The following MTHFD1L variants were observed in gnomAD, a reference collection of about 807,000 sequenced individuals.
MTHFD1L encodes monofunctional C1-tetrahydrofolate synthase, mitochondrial.
A neutral mutation model predicts 119.5 loss-of-function variants in MTHFD1L; 81 were observed. The observed-to-expected ratio is 0.68, with a 90% CI of 0.57 to 0.82. MTHFD1L has a LOEUF of 0.82. Ranked by LOEUF, MTHFD1L falls within the 40% of genes least tolerant of loss-of-function variation. MTHFD1L has a pLI of 0.00. For synonymous variants in MTHFD1L, 430 were observed against 475.2 expected (o/e 0.90, Z 1.24); for missense variants, 1,125 against 1,253.4 (o/e 0.90, Z 1.55).
chr6:150,963,584 G>A (rs568142027), intron 18 of MTHFD1L, among the ~76,000 whole-genome samples: 1 of 152,296 alleles, frequency 6.6e-6, no homozygotes, highest in Admixed American at 6.5e-5. Flanking sequence ...CCAATCACAT[G>A]AGAGAAACAT....
intron 20 of MTHFD1L, among the ~76,000 whole-genome samples, chr6:150,985,896 C>T (rs1778236172): frequency 1.3e-5 from 2 of 151,892 alleles, no homozygotes; most frequent in African/African-American, 2.4e-5. Flanking sequence ...TGAAAATTGT[C>T]GACAAACAAT....
chr6:151,009,776 T>C (rs371729452), intron 20 of MTHFD1L, 43 bp from the exon 21 acceptor site: 1 of 1,608,290 alleles, frequency 6.2e-7, no homozygotes, highest in Non-Finnish European at 8.5e-7. Context: ...CCTACCTTTG[T>C]TTTTAGAAGA....
chr6:151,082,853 G>A (rs1415547382), intron 26 of MTHFD1L, among the ~76,000 whole-genome samples: 1 of 152,210 alleles, frequency 6.6e-6, no homozygotes, highest in Admixed American at 6.5e-5. Flanking sequence ...GCTGAGCGAA[G>A]TAACTCACCC....
chr6:151,015,427 G>A lies in MTHFD1L; in HGVS notation c.2409-89G>A, dbSNP rs886888002. On this transcript the variant is annotated intron_variant, in intron 23 of 27. Coordinates refer to ENST00000367321, the MANE Select transcript of MTHFD1L (RefSeq NM_015440.5). Reference sequence around the variant, plus strand: ...TGTTTAAAATGTATTCAGTGTTAGGGAGCGAAGTTCTGTATAAATGGTGAG... The same window carrying A: ...TGTTTAAAATGTATTCAGTGTTAGGAAGCGAAGTTCTGTATAAATGGTGAG... 39 of 1,390,642 alleles carry A rather than the reference G, an allele frequency of 2.8e-5. No homozygotes were observed. In the Admixed American group the frequency reaches 4.5e-4, roughly 16 times the overall value. 86.1% of individuals were successfully genotyped at this position (1,390,642 alleles called of 1,614,324 possible).
intron 20 of MTHFD1L, among the ~76,000 whole-genome samples, chr6:150,981,077 C>T (rs1297962034): frequency 6.6e-6 from 1 of 152,010 alleles, no homozygotes; most frequent in African/African-American, 2.4e-5. Flanking sequence ...AAAAAAAATA[C>T]ATATGAATTC....
chr6:150,965,868 A>G (rs375502533), intron 19 of MTHFD1L, among the ~76,000 whole-genome samples: 1 of 152,330 alleles, frequency 6.6e-6, no homozygotes, highest in East Asian at 1.9e-4. Context: ...AGGCAAGTCA[A>G]TAAACACACA....
rs563600920 is a variant in MTHFD1L, at chr6:150,953,367, C to T, written c.1727-2628C>T. ...AAAAAATAAGCAAACAGATCTCCCC[C>T]GGCTGCCTCCACCCCCACACCCACT... On this transcript the variant is annotated intron_variant, in intron 16 of 27. Transcript: ENST00000367321. 2.5e-4 allele frequency among the ~76,000 whole-genome samples: 38 copies of T among 152,256 alleles called. No homozygotes were observed. In the Middle Eastern group the frequency reaches 0.01, roughly 41 times the overall value.
intron 1 of MTHFD1L, chr6:150,866,474 G>A (rs1161822261): frequency 2.3e-6 from 3 of 1,319,224 alleles, no homozygotes; most frequent in African/African-American, 1.6e-5. Flanking sequence ...CGCGCCGGCT[G>A]GCCCGGGGTT....
At chr6:150,964,748 A>G (rs1796950201) in intron 18 of MTHFD1L, among the ~76,000 whole-genome samples, 1 of 152,216 alleles carries the variant, frequency 6.6e-6, no homozygotes, top group Non-Finnish European at 1.5e-5. Flanking sequence ...ATGTCCTTCA[A>G]AATGCTATTA....
rs563736730 is a variant in MTHFD1L, at chr6:150,927,340, T to C, written c.1256+1045T>C. 3.3e-5 allele frequency among the ~76,000 whole-genome samples: 5 copies of C among 152,104 alleles called. 1 individual carries two copies. In the South Asian group the frequency reaches 1.0e-3, roughly 32 times the overall value. On this transcript the variant is annotated intron_variant, in intron 11 of 27. Coordinates refer to ENST00000367321, the MANE Select transcript of MTHFD1L (RefSeq NM_015440.5). ...GAGGTCACACTCACATGCTATTGTG[T>C]AAGCAACCTGATTATTCAAGCATAT...
intron 24 of MTHFD1L, among the ~76,000 whole-genome samples, chr6:151,018,115 T>C (rs974418916): frequency 1.3e-5 from 2 of 152,142 alleles, no homozygotes; most frequent in African/African-American, 4.8e-5. Context: ...AATTTTGTGG[T>C]TCCGATTCTG....
chr6:150,948,637 T>TTTTTG (rs1554258970), intron 15 of MTHFD1L, among the ~76,000 whole-genome samples: 3 of 135,706 alleles, frequency 2.2e-5, no homozygotes, highest in South Asian at 2.4e-4. Flanking sequence ...TTTAGTGTTT[T>TTTTTG]TTTTGTTTTG....
chr6:150,887,822 T>C, intron 6 of MTHFD1L, 23 bp from the exon 7 acceptor site: 1 of 1,569,606 alleles, frequency 6.4e-7, no homozygotes, highest in South Asian at 1.2e-5. Flanking sequence ...GAGTATAATA[T>C]TGAATTTTCA....
intron 27 of MTHFD1L, among the ~76,000 whole-genome samples, chr6:151,095,483 G>A (rs564697172): frequency 6.6e-6 from 1 of 152,238 alleles, no homozygotes; most frequent in Admixed American, 6.5e-5. Flanking sequence ...CTCCAAGTAG[G>A]TCATATAAGT....
chr6:151,012,048 A>AAAAAAAAAAAAAC (rs1782348806), intron 21 of MTHFD1L, among the ~76,000 whole-genome samples: 1 of 147,378 alleles, frequency 6.8e-6, no homozygotes, highest in Non-Finnish European at 1.5e-5. Flanking sequence ...AAAAAAAAAA[A>AAAAAAAAAAAAAC]AAACCAGCAG....
At position 150,993,132 on chromosome 6, in the gene MTHFD1L, A is replaced by G. The variant is rs564033887; in HGVS notation, c.2126-16687A>G. Among the ~76,000 whole-genome samples, 14 of 152,246 alleles carry G rather than the reference A, an allele frequency of 9.2e-5. No individual in the cohort carries two copies. In the East Asian group the frequency reaches 2.7e-3, roughly 29 times the overall value. The stretch of plus-strand genomic sequence containing the variant: ...TTCTTTGTTTGTTTTATGAAATTGC[A>G]TAGATGTTTTGGTTGAGAGTAGATT... On this transcript the variant is annotated intron_variant, in intron 20 of 27. Transcript: ENST00000367321.
rs1274182334 is a variant in MTHFD1L, at chr6:150,926,366, C to T, written c.1256+71C>T. 1.5e-6 allele frequency: 2 copies of T among 1,301,076 alleles called. No homozygotes were observed. Among genetic ancestry groups the T allele is most frequent in the African/African-American group, 2.9e-5 (2 of 68,002 alleles). 80.6% of individuals were successfully genotyped at this position (1,301,076 alleles called of 1,614,324 possible). A position where few individuals can be genotyped will look rare whatever the true frequency, so the allele number is the denominator to read the frequency against. On this transcript the variant is annotated intron_variant, in intron 11 of 27. Coordinates refer to ENST00000367321, the MANE Select transcript of MTHFD1L (RefSeq NM_015440.5). This position sits in a 1 kb window ranked among gnomAD's most constrained non-coding sequence, Gnocchi z 4.3. ...AAAACTCTTCCCTATTTATCTCTCT[C>T]CTCGTACCCCTCAATCCATCCTATT...
At chr6:150,898,824 G>A (rs1482958887) in intron 7 of MTHFD1L, 3 of 362,458 alleles carry the variant, frequency 8.3e-6, no homozygotes, top group South Asian at 6.4e-5. Flanking sequence ...AAAGTATAGG[G>A]AAGATTATTA....
At chr6:151,012,873 C>A (rs1782506261) in intron 21 of MTHFD1L, among the ~76,000 whole-genome samples, 1 of 152,130 alleles carries the variant, frequency 6.6e-6, no homozygotes, top group Admixed American at 6.5e-5. Context: ...CTGGAGAATT[C>A]TCCTGCTCTC....
Sources: gnomAD v4.1 joint callset for allele counts (sites outside exome capture counted in the v4.1 genomes callset) on GRCh38, gnomAD v4.1.1 for gene constraint, Gnocchi (gnomAD v3.1) non-coding constraint, MANE v1.5 for transcripts, NCBI Gene and HGNC (gene_info 2026-07-23, HGNC 2026-07-21) for gene names.